The following OSBPL11 variants were observed in gnomAD, a reference collection of about 807,000 sequenced individuals.
The protein encoded by OSBPL11 is oxysterol-binding protein-related protein 11.
In OSBPL11, 33 loss-of-function variants were observed where a neutral mutation model predicts 84.4. That is an observed-to-expected ratio of 0.39 (90% CI 0.30 to 0.52). The LOEUF (loss-of-function observed/expected upper bound fraction) is 0.52. Ranked by LOEUF, OSBPL11 falls within the 20% of genes least tolerant of loss-of-function variation. OSBPL11 has a pLI of 0.72. For synonymous variants in OSBPL11, 276 were observed against 310.2 expected, an observed-to-expected ratio of 0.89 and a Z score of 1.16; for missense variants, 736 against 901.1, an observed-to-expected ratio of 0.82 and a Z score of 2.35.
At chr3:125,542,872 C>G (rs1182216098) in intron 10 of OSBPL11, among the ~76,000 whole-genome samples, 1 of 152,084 alleles carries the variant, frequency 6.6e-6, no homozygotes, top group African/African-American at 2.4e-5. Flanking sequence ...CTCAAACTCC[C>G]AACTTCAGGT....
chr3:125,571,666 G>A (rs1158954332), intron 5 of OSBPL11, among the ~76,000 whole-genome samples: 1 of 152,218 alleles, frequency 6.6e-6, no homozygotes, highest in African/African-American at 2.4e-5. Flanking sequence ...GGCTTCAGGT[G>A]CCTCAGGCCT....
intron 6 of OSBPL11, among the ~76,000 whole-genome samples, chr3:125,566,329 T>C (rs543699326): frequency 6.6e-6 from 1 of 152,210 alleles, no homozygotes; most frequent in African/African-American, 2.4e-5. Context: ...TTATACTTAT[T>C]ATTTACATAT....
chr3:125,560,356 A>T (rs557845296), intron 8 of OSBPL11, 23 bp downstream of exon 8: 2 of 1,504,734 alleles, frequency 1.3e-6, no homozygotes, highest in African/African-American at 1.4e-5. Context: ...CAATCTCCAT[A>T]GCCAGCTTAT....
chr3:125,594,512 T>C, intron 1 of OSBPL11, 125 bp downstream of exon 1: 6 of 1,106,362 alleles, frequency 5.4e-6, no homozygotes, highest in Non-Finnish European at 6.5e-6. Context: ...CCAAACGAGA[T>C]GTATCAGTAG....
chr3:125,541,351 A>T (rs1393086556), intron 10 of OSBPL11, among the ~76,000 whole-genome samples: 1 of 152,238 alleles, frequency 6.6e-6, no homozygotes, highest in East Asian at 1.9e-4. Context: ...AATGAATGAG[A>T]AAACAAAACC....
Position 125,579,969 on chromosome 3 carries a change from G to C in OSBPL11, c.305C>G (p.Pro102Arg). Residue 102 changes from proline to arginine, a missense_variant, in exon 3 of 13, where the codon CCT becomes CGT. By Grantham distance (103) the Pro-to-Arg change is moderately radical. This residue lies in a region of OSBPL11 where 43 missense variants were observed against 78.7 expected (regional missense o/e 0.55). Transcript: ENST00000296220. Reference protein sequence around the residue: ...FVNEQSRNQKPRGTLQLAGAV... With the variant: ...FVNEQSRNQKRRGTLQLAGAV... ...TCCTGCAAGCTGCAAAGTTCCTCTA[G>C]GTTTCTGATTTCTAGACTGTTCATT... 6.2e-7 allele frequency: 1 copy of C among 1,614,112 alleles called. No individual in the cohort carries two copies. The highest frequency in any genetic ancestry group is 8.5e-7 in the Non-Finnish European group (1 of 1,179,998).
At chr3:125,569,631 G>C (rs1936214165) in intron 5 of OSBPL11, among the ~76,000 whole-genome samples, 1 of 152,106 alleles carries the variant, frequency 6.6e-6, no homozygotes, top group South Asian at 2.1e-4. Flanking sequence ...TACACTCTTA[G>C]CTACCTAACC....
At chr3:125,591,432 C>T (rs1936593528) in intron 1 of OSBPL11, among the ~76,000 whole-genome samples, 1 of 152,212 alleles carries the variant, frequency 6.6e-6, no homozygotes, top group South Asian at 2.1e-4. Context: ...CTTACCTCCT[C>T]ATTCTCAAGA....
At chr3:125,547,636 A>G in intron 9 of OSBPL11, 44 bp from the exon 10 acceptor site, 4 of 1,407,330 alleles carry the variant, frequency 2.8e-6, no homozygotes, top group Non-Finnish European at 3.9e-6. Context: ...TTTTAAAGAA[A>G]CAGCTAATGA....
chr3:125,594,681 GCTA>G lies in OSBPL11; in HGVS notation c.117_119del (p.Ser44del), dbSNP rs1936652965. The G allele has an allele frequency of 6.2e-7, 1 of 1,613,950 alleles. No homozygotes were observed. The highest frequency in any genetic ancestry group is 8.5e-7 in the Non-Finnish European group (1 of 1,180,038). On this transcript the variant is annotated inframe_deletion, in exon 1 of 13. Transcript: ENST00000296220. ...CACTGCCACCGCGGCTGCTGCTGCTGCTACTGATTCCACCTCCACAGCTGCTGT... is the reference window on the plus strand; with the variant it reads ...CACTGCCACCGCGGCTGCTGCTGCTGCTGATTCCACCTCCACAGCTGCTGT...
At chr3:125,561,752 C>T (rs558877680) in intron 7 of OSBPL11, among the ~76,000 whole-genome samples, 1 of 152,310 alleles carries the variant, frequency 6.6e-6, no homozygotes, top group African/African-American at 2.4e-5. Context: ...AGCTTCATTC[C>T]ACAGAGTACA....
chr3:125,545,656 T>C (rs748963912), intron 10 of OSBPL11, among the ~76,000 whole-genome samples: 2 of 151,916 alleles, frequency 1.3e-5, no homozygotes, highest in Non-Finnish European at 2.9e-5. Context: ...AATCTACATA[T>C]CCTAAAATCT....
At chr3:125,580,133 T>G in intron 2 of OSBPL11, 93 bp from the exon 3 acceptor site, 1 of 1,067,336 alleles carries the variant, frequency 9.4e-7, no homozygotes, top group Non-Finnish European at 1.3e-6. Context: ...ATTTCAGGGT[T>G]TTGCTCTTAA....
In OSBPL11 at chr3:125,557,803, T is replaced by C. The variant is rs1464725481; in HGVS notation, c.1155+2576A>G. On this transcript the variant is annotated intron_variant, in intron 8 of 12. Coordinates refer to ENST00000296220, the MANE Select transcript of OSBPL11 (RefSeq NM_022776.5). ...CACATACAACTTTCTTTTTTTTTTT[T>C]TTTTTTTTTTTTGAGACAGGGTCTC... Among the ~76,000 whole-genome samples the C allele has an allele frequency of 2.1e-5, 3 of 144,152 alleles. No individual in the cohort carries two copies. The East Asian group carries it at 5.9e-4, about 29-fold the overall frequency. The allele number at this position is 144,152 out of a possible 152,430, so 94.6% of individuals were successfully genotyped here. A position where few individuals can be genotyped will look rare whatever the true frequency, so the allele number is the denominator to read the frequency against.
chr3:125,572,384 T>C (rs1040544258), intron 5 of OSBPL11, among the ~76,000 whole-genome samples: 4 of 152,242 alleles, frequency 2.6e-5, no homozygotes, highest in African/African-American at 9.6e-5. Context: ...TGGGGGACTG[T>C]TGGGAAGGCA....
At chr3:125,530,996 C>T (rs1198310314) in intron 12 of OSBPL11, among the ~76,000 whole-genome samples, 2 of 141,174 alleles carry the variant, frequency 1.4e-5, no homozygotes, top group South Asian at 4.4e-4. Flanking sequence ...TTTTTTTTTC[C>T]CCCAAGACGG....
chr3:125,550,047 G>C (rs546391202), intron 9 of OSBPL11, among the ~76,000 whole-genome samples: 1 of 151,962 alleles, frequency 6.6e-6, no homozygotes, highest in Non-Finnish European at 1.5e-5. Flanking sequence ...TATGATGGAG[G>C]GTAGCAAACT....
chr3:125,588,126 G>A (rs919922045), intron 1 of OSBPL11, among the ~76,000 whole-genome samples: 4 of 151,724 alleles, frequency 2.6e-5, no homozygotes, highest in African/African-American at 9.7e-5. Flanking sequence ...GGAGGCTGAG[G>A]CAGGAGAATT....
At chr3:125,594,307 A>G (rs1936646923) in intron 1 of OSBPL11, among the ~76,000 whole-genome samples, 1 of 152,266 alleles carries the variant, frequency 6.6e-6, no homozygotes, top group Non-Finnish European at 1.5e-5. Context: ...AGTCTATCAG[A>G]GAAAGCTGGC....
Sources: gnomAD v4.1 joint callset for allele counts (sites outside exome capture counted in the v4.1 genomes callset) on GRCh38, gnomAD v4.1.1 for gene constraint, gnomAD v4.1.1 regional missense constraint, MANE v1.5 for transcripts, NCBI Gene and HGNC (gene_info 2026-07-23, HGNC 2026-07-21) for gene names.